Variants in GRM8 observed in about 807,000 individuals in gnomAD.
The protein encoded by GRM8 is metabotropic glutamate receptor 8.
GRM8 carries 47 observed loss-of-function variants against 87.2 expected under a neutral mutation model. The ratio of observed to expected loss-of-function variants is 0.54; its 90% CI spans 0.43 to 0.69. The LOEUF (loss-of-function observed/expected upper bound fraction) is 0.69, where lower values mean the gene tolerates loss of function less well. GRM8 is among the 30% of genes least tolerant of loss of function. The pLI is 0.00. For missense variants in GRM8, 1,019 were observed against 1,139.2 expected (o/e 0.89, Z 1.52); for synonymous variants, 396 against 404.5 (o/e 0.98, Z 0.25).
At chr7:126,999,664 T>G (rs1398977710) in intron 3 of GRM8, among the ~76,000 whole-genome samples, 1 of 151,698 alleles carries the variant, frequency 6.6e-6, no homozygotes, top group Non-Finnish European at 1.5e-5. Context: ...ATCAGAGAAA[T>G]GTAAATCAAA....
intron 8 of GRM8, among the ~76,000 whole-genome samples, chr7:126,549,848 T>G (rs1391772757): frequency 6.6e-6 from 1 of 152,168 alleles, no homozygotes; most frequent in Non-Finnish European, 1.5e-5. Flanking sequence ...TGACTGTGAT[T>G]GCTGAAACAT....
chr7:126,592,683 C>T (rs1440521094), intron 8 of GRM8, among the ~76,000 whole-genome samples: 4 of 151,786 alleles, frequency 2.6e-5, no homozygotes, highest in Admixed American at 2.0e-4. Context: ...ATATGACAAA[C>T]CCGTAGCTAA....
intron 7 of GRM8, among the ~76,000 whole-genome samples, chr7:126,678,255 A>T (rs1482530977): frequency 6.6e-6 from 1 of 152,150 alleles, no homozygotes; most frequent in Non-Finnish European, 1.5e-5. Context: ...TTTACAGTTT[A>T]TTTTTTATAT....
intron 6 of GRM8, among the ~76,000 whole-genome samples, chr7:126,778,171 G>T (rs189018490): frequency 1.3e-5 from 2 of 152,202 alleles, no homozygotes; most frequent in East Asian, 1.9e-4. Flanking sequence ...GAAGACAAGG[G>T]TCCTTTGCTG....
intron 2 of GRM8, among the ~76,000 whole-genome samples, chr7:127,167,998 A>T (rs770693191): frequency 3.3e-5 from 5 of 152,218 alleles, no homozygotes; most frequent in Non-Finnish European, 7.3e-5. Flanking sequence ...CAAAAGCCAA[A>T]ATTGACAAAT....
At chr7:127,012,322 T>C (rs1236469080) in intron 3 of GRM8, among the ~76,000 whole-genome samples, 1 of 152,126 alleles carries the variant, frequency 6.6e-6, no homozygotes, top group Non-Finnish European at 1.5e-5. Flanking sequence ...TCATTCTGTA[T>C]ACCCGGTGTG....
At chr7:126,481,934 C>T (rs1806732505) in intron 9 of GRM8, among the ~76,000 whole-genome samples, 1 of 151,986 alleles carries the variant, frequency 6.6e-6, no homozygotes, top group African/African-American at 2.4e-5. Flanking sequence ...CTAAAAGTAT[C>T]TCAAATTTAA....
intron 6 of GRM8, among the ~76,000 whole-genome samples, chr7:126,806,454 G>A (rs1001175589): frequency 6.6e-6 from 1 of 152,246 alleles, no homozygotes; most frequent in Non-Finnish European, 1.5e-5. Flanking sequence ...CGAGTGCATT[G>A]TGGCTGCTTG....
chr7:127,223,733 C>T (rs1285576405), intron 2 of GRM8, among the ~76,000 whole-genome samples: 2 of 151,968 alleles, frequency 1.3e-5, no homozygotes, highest in African/African-American at 4.8e-5. Flanking sequence ...ACATGGAGAA[C>T]CATAACAGGA....
intron 8 of GRM8, among the ~76,000 whole-genome samples, chr7:126,585,026 C>A (rs926031550): frequency 6.6e-6 from 1 of 152,102 alleles, no homozygotes; most frequent in African/African-American, 2.4e-5. Context: ...TAAAGAAGAT[C>A]TCTGAATTCT....
At chr7:126,919,693 G>T (rs1183696124) in intron 3 of GRM8, among the ~76,000 whole-genome samples, 1 of 151,618 alleles carries the variant, frequency 6.6e-6, no homozygotes, top group Middle Eastern at 3.2e-3. Context: ...TAATAGCCTC[G>T]CTTTTCCTCT....
At chr7:127,183,311 T>C (rs1794571505) in intron 2 of GRM8, among the ~76,000 whole-genome samples, 1 of 151,678 alleles carries the variant, frequency 6.6e-6, no homozygotes, top group Non-Finnish European at 1.5e-5. Flanking sequence ...AAAAACACAT[T>C]AACAAATTTA....
At chr7:126,812,655 G>T (rs1318709300) in intron 6 of GRM8, among the ~76,000 whole-genome samples, 1 of 151,906 alleles carries the variant, frequency 6.6e-6, no homozygotes, top group Non-Finnish European at 1.5e-5. Context: ...ATCTGTAGGA[G>T]GAGTCCTGAA....
At chr7:126,875,398 A>G (rs17684727) in intron 6 of GRM8, among the ~76,000 whole-genome samples, 7,669 of 152,166 alleles carry the variant, frequency 0.05, 278 homozygotes, top group Middle Eastern at 0.13. Context: ...TGGGATACCC[A>G]CAGAAGGGAC....
intron 6 of GRM8, among the ~76,000 whole-genome samples, chr7:126,809,581 C>T (rs781488788): frequency 1.3e-5 from 2 of 152,116 alleles, no homozygotes; most frequent in Non-Finnish European, 2.9e-5. Context: ...AGTAAAGAAA[C>T]CAAAGAAGTG....
chr7:127,246,654 C>T (rs1008655894), intron 1 of GRM8, among the ~76,000 whole-genome samples: 2 of 152,162 alleles, frequency 1.3e-5, no homozygotes, highest in African/African-American at 2.4e-5. Context: ...AGTCCCCTGG[C>T]CTAAGACTCC....
intron 9 of GRM8, chr7:126,512,897 C>T (rs1030621725): frequency 1.3e-5 from 2 of 152,086 alleles, no homozygotes; most frequent in East Asian, 1.9e-4. Flanking sequence ...AAAATTCAGA[C>T]ACCAACAAAA....
intron 7 of GRM8, among the ~76,000 whole-genome samples, chr7:126,688,067 T>A (rs1331690814): frequency 6.6e-6 from 1 of 152,150 alleles, no homozygotes; most frequent in African/African-American, 2.4e-5. Flanking sequence ...ATTGCAAATA[T>A]CCTATCACAT....
intron 7 of GRM8, among the ~76,000 whole-genome samples, chr7:126,711,044 G>A (rs781523557): frequency 4.6e-5 from 7 of 152,170 alleles, no homozygotes; most frequent in Non-Finnish European, 8.8e-5. Context: ...GCATGGTGGT[G>A]CATACCTGCA....
Sources: gnomAD v4.1 joint callset for allele counts (sites outside exome capture counted in the v4.1 genomes callset) on GRCh38, gnomAD v4.1.1 for gene constraint, MANE v1.5 for transcripts, NCBI Gene and HGNC (gene_info 2026-07-23, HGNC 2026-07-21) for gene names.